SART3: variants seen among roughly 807,000 people sequenced by gnomAD.
SART3 encodes the protein spliceosome associated factor 3, U4/U6 recycling protein, also known as HIV-1 Tat-interacting protein of 110kDa.
SART3 carries 44 observed loss-of-function variants against 122.3 expected under a neutral mutation model. The ratio of observed to expected loss-of-function variants is 0.36; its 90% confidence interval spans 0.28 to 0.46. SART3 has a LOEUF of 0.46. Ranked by LOEUF, SART3 falls within the 20% of genes least tolerant of loss-of-function variation. The pLI is 1.00. For missense variants in SART3, 1,101 were observed against 1,229.0 expected (o/e 0.90, Z 1.56); for synonymous variants, 442 against 454.0 (o/e 0.97, Z 0.34).
At chr12:108,531,716 C>T (rs1425210704) in intron 13 of SART3, 1 of 261,106 alleles carries the variant, frequency 3.8e-6, no homozygotes, top group African/African-American at 2.2e-5. Context: ...TCTATTGGTT[C>T]TAGCTAACAC....
intron 18 of SART3, chr12:108,523,866 A>G (rs1197197362): frequency 1.6e-6 from 1 of 606,258 alleles, no homozygotes; most frequent in African/African-American, 1.8e-5. Flanking sequence ...AGTCACACTC[A>G]GAGGGGATCA....
rs200449104 is a variant in SART3, at chr12:108,530,333, C to A, written c.1747-23G>T. Reference sequence around the variant, plus strand: ...AGCCTAGAAAAGTGGGAAGATGATGCATCGCTGGATGTGGCAATTACATTC... The same window carrying A: ...AGCCTAGAAAAGTGGGAAGATGATGAATCGCTGGATGTGGCAATTACATTC... On this transcript the variant is annotated intron_variant, in intron 14 of 18. Coordinates refer to ENST00000546815, the MANE Select transcript of SART3 (RefSeq NM_014706.4). 33 of 1,613,226 alleles carry A rather than the reference C, an allele frequency of 2.0e-5. No homozygotes were observed. The East Asian group carries it at 7.1e-4, about 35-fold the overall frequency.
chr12:108,528,437 C>T (rs1304543683), intron 15 of SART3, among the ~76,000 whole-genome samples: 1 of 146,482 alleles, frequency 6.8e-6, no homozygotes, highest in Admixed American at 6.9e-5. Flanking sequence ...GAGCCGAGAT[C>T]ACGCAACTGC....
At chr12:108,529,978 T>A (rs1872585583) in intron 15 of SART3, among the ~76,000 whole-genome samples, 164 bp downstream of exon 15, 1 of 152,176 alleles carries the variant, frequency 6.6e-6, no homozygotes, top group African/African-American at 2.4e-5. Flanking sequence ...ATTCTAGTCA[T>A]GTAGAAGAGG....
At chr12:108,557,704 A>T (rs757495321) in intron 1 of SART3, among the ~76,000 whole-genome samples, 2 of 152,232 alleles carry the variant, frequency 1.3e-5, no homozygotes, top group Non-Finnish European at 2.9e-5. Flanking sequence ...TACTCAATGG[A>T]AGGCTTGGGT....
intron 12 of SART3, among the ~76,000 whole-genome samples, chr12:108,533,055 T>C (rs1267827203): frequency 6.6e-6 from 1 of 152,234 alleles, no homozygotes; most frequent in East Asian, 1.9e-4. Flanking sequence ...AGTGTATTCA[T>C]ATTTGTTTTT....
At chr12:108,536,489 T>TGCTA (rs767774684) in intron 11 of SART3, 25 bp downstream of exon 11, 25 of 1,610,674 alleles carry the variant, frequency 1.6e-5, no homozygotes, top group Non-Finnish European at 1.9e-5. Flanking sequence ...TGGATGAAAG[T>TGCTA]GCTAGATGTG....
intron 1 of SART3, chr12:108,560,624 C>T (rs1045153242): frequency 5.9e-6 from 3 of 506,474 alleles, no homozygotes; most frequent in African/African-American, 5.9e-5. Context: ...GATAACAGGG[C>T]TTCCTTCACA....
intron 3 of SART3, 113 bp from the exon 4 acceptor site, chr12:108,545,436 A>T: frequency 1.1e-6 from 1 of 951,440 alleles, no homozygotes; most frequent in Non-Finnish European, 1.7e-6. Context: ...GCAGCACTAA[A>T]TGACAGTGAA....
At chr12:108,545,967 C>CAAA (rs367848748) in intron 3 of SART3, among the ~76,000 whole-genome samples, 31,468 of 108,116 alleles carry the variant, frequency 0.29, 5,017 homozygotes, top group East Asian at 0.57. Context: ...GACTCTCTCT[C>CAAA]AAAAAAAAAA....
Position 108,535,405 on chromosome 12 carries a change from T to C in SART3, c.1510A>G (p.Asn504Asp). The change falls in exon 12 of 19, where the codon AAT becomes GAT. Residue 504 changes from asparagine to aspartate, a missense_variant. Transcript: ENST00000546815. ...AGCCACATGTTGGCGTACTTGGCAT[T>C]TCCTCTGGTCATGATGCTATCCCAG... ...ELWDSIMTRG[N>D]AKYANMWLEY... is the part of the protein sequence containing the mutation. The C allele has an allele frequency of 6.2e-7, 1 of 1,614,182 alleles. No individual in the cohort carries two copies. The highest frequency in any genetic ancestry group is 8.5e-7 in the Non-Finnish European group (1 of 1,180,018).
chr12:108,537,459 T>A lies in SART3; in HGVS notation c.1309+29A>T, dbSNP rs1269620798. 3.2e-6 allele frequency: 5 copies of A among 1,543,314 alleles called. No homozygotes were observed. In the African/African-American group the frequency reaches 6.8e-5, roughly 21 times the overall value. The stretch of plus-strand genomic sequence containing the variant: ...AAGTTGTATTAAGAACATGTTCAGC[T>A]CTAAAGTGAAAAACATGTGCTTAAA... On this transcript the variant is annotated intron_variant, in intron 9 of 18. Coordinates refer to ENST00000546815, the MANE Select transcript of SART3 (RefSeq NM_014706.4).
intron 6 of SART3, among the ~76,000 whole-genome samples, chr12:108,542,267 A>C (rs537246364): frequency 2.5e-4 from 38 of 152,254 alleles, no homozygotes; most frequent in Non-Finnish European, 5.0e-4. Flanking sequence ...AAATTAAGTA[A>C]AATTTAAGTA....
At position 108,523,533 on chromosome 12, in the gene SART3, G is replaced by A. The variant is rs556012990; in HGVS notation, c.2816C>T (p.Ala939Val). ...QAENGPAAAP[A>V]VAAPAATEAP... ...CTCGGTGGCTGCTGGGGCGGCAACT[G>A]CAGGAGCCGCGGCAGGGCCGTTCTC... Residue 939 changes from alanine to valine, a missense_variant, in exon 19 of 19, where the codon GCA becomes GTA. By Grantham distance (64) the Ala-to-Val change is moderately conservative. Coordinates refer to ENST00000546815, the MANE Select transcript of SART3 (RefSeq NM_014706.4). The A allele has an allele frequency of 1.2e-6, 2 of 1,613,868 alleles. No homozygotes were observed. The highest frequency in any genetic ancestry group is 2.2e-5 in the South Asian group (2 of 91,070).
rs538588387 is a variant in SART3 at position 108,524,463 on chromosome 12, T to C, written c.2567A>G (p.Gln856Arg). The C allele has an allele frequency of 9.9e-6, 16 of 1,614,186 alleles. No individual in the cohort carries two copies. In the East Asian group the frequency reaches 3.6e-4, roughly 36 times the overall value. Reference sequence around the variant, plus strand: ...CATGCCGTCCATCTTCATCACAGCCTGCGACGCCTGGGATTCATTTTCATA... The same window carrying C: ...CATGCCGTCCATCTTCATCACAGCCCGCGACGCCTGGGATTCATTTTCATA... The part of the protein sequence containing the change: ...VEYENESQAS[Q>R]AVMKMDGMTI... The change falls in exon 18 of 19, where the codon CAG becomes CGG. Residue 856 changes from glutamine to arginine, a missense_variant. Gln to Arg is a conservative substitution (Grantham distance 43, BLOSUM62 1). Around this residue, in one of 2 missense-constraint regions of SART3, gnomAD observed 885 missense variants for 1,080.1 expected, o/e 0.82. Transcript: ENST00000546815.
intron 11 of SART3, 112 bp downstream of exon 11, chr12:108,536,402 C>A: frequency 1.9e-6 from 2 of 1,056,282 alleles, no homozygotes; most frequent in Non-Finnish European, 2.9e-6. Flanking sequence ...AACATAAATC[C>A]TTATAGAGCT....
intron 8 of SART3, 71 bp downstream of exon 8, chr12:108,537,994 A>T: frequency 6.3e-7 from 1 of 1,595,250 alleles, no homozygotes; most frequent in Non-Finnish European, 8.6e-7. Context: ...TGATGTAATG[A>T]CTTTGTCACC....
Position 108,523,620 on chromosome 12 carries a change from C to T in SART3, c.2729G>A (p.Arg910Lys), listed in dbSNP as rs771999975. 1 of 1,614,060 alleles carries T rather than the reference C, an allele frequency of 6.2e-7. No individual in the cohort carries two copies. Among genetic ancestry groups the T allele is most frequent in the Non-Finnish European group, 8.5e-7 (1 of 1,179,944 alleles). ...PQTYGARGKG[R>K]TQLSLLPRAL... Reference sequence around the variant, plus strand: ...ACGAGGCAGTAGAGACAGCTGCGTCCTTCCCTTCCCCCTCCTAAAAGAGCA... The same window carrying T: ...ACGAGGCAGTAGAGACAGCTGCGTCTTTCCCTTCCCCCTCCTAAAAGAGCA... The change falls in exon 19 of 19, where the codon AGG (arginine) becomes AAG (lysine). Residue 910 changes from arginine to lysine, a missense_variant. Physicochemically the swap from Arg to Lys is conservative, Grantham distance 26 (BLOSUM62 2). Around this residue, in one of 2 missense-constraint regions of SART3, gnomAD observed 885 missense variants for 1,080.1 expected, o/e 0.82. Transcript: ENST00000546815.
At chr12:108,536,475 A>G (rs1565861041) in intron 11 of SART3, 39 bp downstream of exon 11, 1 of 1,595,756 alleles carries the variant, frequency 6.3e-7, no homozygotes, top group Non-Finnish European at 8.6e-7. Flanking sequence ...CTATTAAACA[A>G]TGATGGATGA....
Sources: allele counts gnomAD v4.1 joint callset (sites outside exome capture counted in the v4.1 genomes callset), GRCh38; gene constraint gnomAD v4.1.1; regional missense constraint gnomAD v4.1.1; transcripts MANE v1.5; gene names NCBI Gene and HGNC (gene_info 2026-07-23, HGNC 2026-07-21).